DIP2B: variants seen among roughly 807,000 people sequenced by gnomAD.
DIP2B encodes disco-interacting protein 2 homolog B.
In DIP2B, 76 loss-of-function variants were observed where a neutral mutation model predicts 198.0. The ratio of observed to expected loss-of-function variants is 0.38; its 90% CI spans 0.32 to 0.46. The LOEUF is 0.46. Ranked by LOEUF, DIP2B falls within the 20% of genes least tolerant of loss-of-function variation. The pLI, the probability that DIP2B is intolerant of heterozygous loss-of-function variation, is 0.99. For missense variants in DIP2B, 1,559 were observed against 1,978.4 expected, an observed-to-expected ratio of 0.79 and a Z score of 4.02; for synonymous variants, 701 against 739.1, an observed-to-expected ratio of 0.95 and a Z score of 0.84.
intron 1 of DIP2B, among the ~76,000 whole-genome samples, chr12:50,585,359 C>T (rs1346764070): frequency 3.3e-5 from 5 of 152,216 alleles, no homozygotes; most frequent in African/African-American, 9.6e-5. Context: ...CGTGTGCTGA[C>T]TGTGACCTGT....
At chr12:50,730,382 CTTTT>C (rs35093819) in intron 30 of DIP2B, among the ~76,000 whole-genome samples, 8 of 62,728 alleles carry the variant, frequency 1.3e-4, no homozygotes, top group Non-Finnish European at 4.5e-4. Flanking sequence ...CTCTCTCTCT[CTTTT>C]TTTTTTTTTT....
chr12:50,579,742 A>T (rs1958706825), intron 1 of DIP2B, among the ~76,000 whole-genome samples: 12 of 128,910 alleles, frequency 9.3e-5, no homozygotes, highest in Admixed American at 3.5e-4. Flanking sequence ...GACCCCTGTA[A>T]TTTTGGAGAG....
intron 1 of DIP2B, among the ~76,000 whole-genome samples, chr12:50,560,756 A>T (rs185881781): frequency 5.2e-4 from 79 of 152,326 alleles, no homozygotes; most frequent in African/African-American, 8.9e-4. Flanking sequence ...GTCTCAAAAA[A>T]AAATAAATAA....
chr12:50,695,007 A>T (rs1939286112), intron 14 of DIP2B, among the ~76,000 whole-genome samples: 1 of 152,216 alleles, frequency 6.6e-6, no homozygotes, highest in Non-Finnish European at 1.5e-5. Flanking sequence ...AATATCTATG[A>T]AAATGCATTG....
At chr12:50,557,266 C>T (rs1176120900) in intron 1 of DIP2B, among the ~76,000 whole-genome samples, 1 of 152,136 alleles carries the variant, frequency 6.6e-6, no homozygotes, top group Non-Finnish European at 1.5e-5. Flanking sequence ...AAGTGGGAAG[C>T]TCTGAAATGA....
rs181799847 is a variant in DIP2B at position 50,632,640 on chromosome 12, G to T, written c.172+6593G>T. On this transcript the variant is annotated intron_variant, in intron 2 of 37. Transcript: ENST00000301180. ...CAACCTCCACCTCCCGGGATCAAGT[G>T]ATTCTCCTGCCTCAGCCTCCTGAGT... Among the ~76,000 whole-genome samples, 218 of 151,622 alleles carry T rather than the reference G, an allele frequency of 1.4e-3. 2 individuals carry two copies. The highest frequency in any genetic ancestry group is 4.5e-3 in the African/African-American group (188 of 41,386).
At chr12:50,598,486 C>T (rs950756639) in intron 1 of DIP2B, among the ~76,000 whole-genome samples, 5 of 151,692 alleles carry the variant, frequency 3.3e-5, no homozygotes, top group Admixed American at 6.6e-5. Context: ...TTTTACCTGG[C>T]TTTTCCACTA....
chr12:50,531,505 G>C (rs1341907184), intron 1 of DIP2B, among the ~76,000 whole-genome samples: 1 of 152,222 alleles, frequency 6.6e-6, no homozygotes, highest in Non-Finnish European at 1.5e-5. Flanking sequence ...AGTGTCTCTT[G>C]TTGCATAGAG....
intron 32 of DIP2B, 138 bp from the exon 33 acceptor site, chr12:50,733,996 AG>A: frequency 2.5e-6 from 2 of 815,550 alleles, no homozygotes; most frequent in Non-Finnish European, 4.2e-6. Flanking sequence ...GAGTGAGAGC[AG>A]GGGGCCTACT....
At chr12:50,612,450 G>A (rs541942995) in intron 1 of DIP2B, among the ~76,000 whole-genome samples, 1 of 134,738 alleles carries the variant, frequency 7.4e-6, no homozygotes, top group Admixed American at 7.8e-5. Flanking sequence ...TTTTTTTTGA[G>A]ACAGTCTTGC....
intron 1 of DIP2B, among the ~76,000 whole-genome samples, chr12:50,585,735 A>G (rs1958764708): frequency 6.6e-6 from 1 of 152,220 alleles, no homozygotes; most frequent in Non-Finnish European, 1.5e-5. Flanking sequence ...TATAGACGTG[A>G]TCTAATTTAC....
At chr12:50,558,974 G>C (rs1958494627) in intron 1 of DIP2B, among the ~76,000 whole-genome samples, 1 of 152,198 alleles carries the variant, frequency 6.6e-6, no homozygotes, top group South Asian at 2.1e-4. Context: ...GAAGACTGGA[G>C]ATTTATTTTC....
intron 3 of DIP2B, among the ~76,000 whole-genome samples, chr12:50,659,222 C>T (rs1938604103): frequency 6.6e-6 from 1 of 152,170 alleles, no homozygotes; most frequent in Admixed American, 6.5e-5. Flanking sequence ...AACCTTCCTT[C>T]TTTCTAGGGC....
At chr12:50,640,033 GAT>G (rs921605568) in intron 2 of DIP2B, among the ~76,000 whole-genome samples, 13 of 152,110 alleles carry the variant, frequency 8.5e-5, no homozygotes, top group African/African-American at 3.1e-4. Flanking sequence ...ATACTAATAA[GAT>G]ATTAATACTA....
At chr12:50,606,355 C>T (rs151060902) in intron 1 of DIP2B, among the ~76,000 whole-genome samples, 1 of 152,236 alleles carries the variant, frequency 6.6e-6, no homozygotes, top group Non-Finnish European at 1.5e-5. Context: ...TCCTGGACCT[C>T]AATTAGTCCT....
chr12:50,550,307 A>G (rs1416840140), intron 1 of DIP2B, among the ~76,000 whole-genome samples: 1 of 151,884 alleles, frequency 6.6e-6, no homozygotes, highest in Non-Finnish European at 1.5e-5. Context: ...TTTATTGGCC[A>G]GTTTCTTCAT....
At chr12:50,534,098 T>C (rs4768887) in intron 1 of DIP2B, among the ~76,000 whole-genome samples, 132,630 of 152,076 alleles carry the variant, frequency 0.87, 59,013 homozygotes, top group Non-Finnish European at 0.98. Context: ...AATTTTTTAG[T>C]CATTAGTCAA....
chr12:50,741,542 AACTCCC>A lies in DIP2B; in HGVS notation c.4478+4_4478+9del. On this transcript the variant is annotated splice_donor_5th_base_variant and intron_variant, in intron 37 of 37. Transcript: ENST00000301180. ...ATCCACAGAAGCATTGCTGAATGGT[AACTCCC>A]TCAGCATACACTGTGCTTCCCACTT... 1 of 1,612,348 alleles carries A rather than the reference AACTCCC, an allele frequency of 6.2e-7. No homozygotes were observed. Among genetic ancestry groups the A allele is most frequent in the Non-Finnish European group, 8.5e-7 (1 of 1,179,026 alleles).
intron 7 of DIP2B, among the ~76,000 whole-genome samples, chr12:50,676,981 G>A (rs1015050937): frequency 3.3e-5 from 5 of 152,158 alleles, no homozygotes; most frequent in South Asian, 2.1e-4. Flanking sequence ...TGAATGTTAC[G>A]TTAGTAGAAA....
Sources: gnomAD v4.1 joint callset for allele counts (sites outside exome capture counted in the v4.1 genomes callset) on GRCh38, gnomAD v4.1.1 for gene constraint, MANE v1.5 for transcripts, NCBI Gene and HGNC (gene_info 2026-07-23, HGNC 2026-07-21) for gene names.